PCDH15: variants seen among roughly 807,000 people sequenced by gnomAD.
PCDH15 encodes protocadherin related 15.
PCDH15 carries 129 observed loss-of-function variants against 178.5 expected under a neutral mutation model. The ratio of observed to expected loss-of-function variants is 0.72; its 90% confidence interval spans 0.63 to 0.84. The LOEUF is 0.84. PCDH15 is among the 40% of genes least tolerant of loss of function. The pLI, the probability that PCDH15 is intolerant of heterozygous loss-of-function variation, is 0.00. For missense variants in PCDH15, 2,230 were observed against 2,099.9 expected, an observed-to-expected ratio of 1.06 and a Z score of -1.21; for synonymous variants, 800 against 732.0, an observed-to-expected ratio of 1.09 and a Z score of -1.50.
At chr10:55,516,813 T>C (rs1841023845) in intron 2 of PCDH15, among the ~76,000 whole-genome samples, 2 of 152,126 alleles carry the variant, frequency 1.3e-5, no homozygotes, top group South Asian at 4.1e-4. Context: ...TCATTCAATT[T>C]AGGCAAAAAA....
rs34783984 is a variant in PCDH15 at position 54,364,209 on chromosome 10, GAAA to G, written c.474+4908_474+4910del. Among the ~76,000 whole-genome samples, 133 of 140,710 alleles carry G rather than the reference GAAA, an allele frequency of 9.5e-4. 1 individual carries two copies. The highest frequency in any genetic ancestry group is 7.6e-3 in the South Asian group (33 of 4,364). The allele number at this position is 140,710 out of a possible 152,430, so 92.3% of individuals were successfully genotyped here. ...CCTGGGCAAAAAAGAGCAAAACTCT[GAAA>G]AAAAAAAAAAAAATTGACCTTGTCT... is the stretch of plus-strand genomic sequence containing the variant. On this transcript the variant is annotated intron_variant, in intron 5 of 37. Transcript: ENST00000644397.
At chr10:54,100,984 T>C (rs2094801058) in intron 15 of PCDH15, among the ~76,000 whole-genome samples, 1 of 152,142 alleles carries the variant, frequency 6.6e-6, no homozygotes, top group Non-Finnish European at 1.5e-5. Flanking sequence ...GTGTCTAAGA[T>C]AGGTAGATAT....
At chr10:54,287,097 C>A (rs1337736959) in intron 8 of PCDH15, among the ~76,000 whole-genome samples, 1 of 152,092 alleles carries the variant, frequency 6.6e-6, no homozygotes, top group Non-Finnish European at 1.5e-5. Flanking sequence ...TGCTTAAGAC[C>A]TCTAGTATTT....
intron 2 of PCDH15, among the ~76,000 whole-genome samples, chr10:55,382,546 A>G (rs920748122): frequency 1.5e-4 from 23 of 152,214 alleles, no homozygotes; most frequent in Non-Finnish European, 3.4e-4. Flanking sequence ...GCTAGAGTAC[A>G]AAGGTACACG....
chr10:54,297,897 G>A (rs1278159629), intron 8 of PCDH15, among the ~76,000 whole-genome samples: 1 of 152,156 alleles, frequency 6.6e-6, no homozygotes, highest in Non-Finnish European at 1.5e-5. Context: ...GGCTTTAGCT[G>A]CAGCCTGAGA....
At chr10:53,977,687 C>T (rs907281074) in intron 21 of PCDH15, among the ~76,000 whole-genome samples, 3 of 152,130 alleles carry the variant, frequency 2.0e-5, no homozygotes, top group South Asian at 2.1e-4. Flanking sequence ...TTAATCCAAA[C>T]GTCCAAGTAC....
intron 3 of PCDH15, chr10:54,864,672 C>G (rs1426751854): frequency 6.6e-6 from 1 of 152,132 alleles, no homozygotes; most frequent in East Asian, 1.9e-4. Context: ...CATCTGAAGA[C>G]TTGACTGGTG....
chr10:54,423,293 G>A (rs927320833), intron 3 of PCDH15, among the ~76,000 whole-genome samples: 9 of 150,390 alleles, frequency 6.0e-5, no homozygotes, highest in African/African-American at 2.0e-4. Flanking sequence ...GGAGAGAGAA[G>A]GGCAAGATGG....
At chr10:54,621,857 G>A (rs572612455) in intron 2 of PCDH15, among the ~76,000 whole-genome samples, 2 of 152,168 alleles carry the variant, frequency 1.3e-5, no homozygotes, top group South Asian at 4.1e-4. Context: ...AACGGTATTT[G>A]TCAGCGATGT....
chr10:54,300,815 C>T lies in PCDH15; in HGVS notation c.876+16456G>A, dbSNP rs1456527447. Among the ~76,000 whole-genome samples the T allele has an allele frequency of 4.6e-5, 7 of 152,264 alleles. No individual in the cohort carries two copies. The South Asian group carries it at 6.2e-4, about 14-fold the overall frequency. The stretch of plus-strand genomic sequence containing the variant: ...AAAGGATTGTAAATGCACTAATCAG[C>T]GCTCTGTAAAATGGACCAATCAGCA... On this transcript the variant is annotated intron_variant, in intron 8 of 37. Transcript: ENST00000644397.
intron 3 of PCDH15, among the ~76,000 whole-genome samples, chr10:54,398,395 C>T (rs1236387288): frequency 6.6e-6 from 1 of 151,750 alleles, no homozygotes; most frequent in Non-Finnish European, 1.5e-5. Context: ...CAAAAATTAC[C>T]ACCAAAGGTG....
At chr10:54,288,402 A>G (rs772381507) in intron 8 of PCDH15, among the ~76,000 whole-genome samples, 1 of 152,180 alleles carries the variant, frequency 6.6e-6, no homozygotes, top group Non-Finnish European at 1.5e-5. Context: ...AGATTGTCCA[A>G]TGAAGATGGC....
intron 8 of PCDH15, among the ~76,000 whole-genome samples, chr10:54,252,619 C>T (rs775389228): frequency 7.2e-5 from 11 of 152,154 alleles, no homozygotes; most frequent in Admixed American, 2.0e-4. Flanking sequence ...CGACCAAGGT[C>T]TTCAAAACTC....
At chr10:54,025,984 T>G (rs1415457379) in intron 18 of PCDH15, among the ~76,000 whole-genome samples, 1 of 152,208 alleles carries the variant, frequency 6.6e-6, no homozygotes, top group Non-Finnish European at 1.5e-5. Flanking sequence ...CTCAGAATTT[T>G]TAACCTTGAT....
At chr10:55,577,874 G>C (rs889990580) in intron 2 of PCDH15, among the ~76,000 whole-genome samples, 1 of 152,066 alleles carries the variant, frequency 6.6e-6, no homozygotes, top group African/African-American at 2.4e-5. Flanking sequence ...TAAATGATTT[G>C]AATTTCTGAA....
At chr10:54,839,777 A>C (rs1487472034) in intron 3 of PCDH15, among the ~76,000 whole-genome samples, 1 of 152,108 alleles carries the variant, frequency 6.6e-6, no homozygotes, top group Non-Finnish European at 1.5e-5. Flanking sequence ...TAAGCAACTC[A>C]TCACATACAA....
chr10:55,530,551 T>A (rs1841427597), intron 2 of PCDH15, among the ~76,000 whole-genome samples: 1 of 152,022 alleles, frequency 6.6e-6, no homozygotes, highest in Non-Finnish European at 1.5e-5. Context: ...CATCTTTGGA[T>A]GAATATTCTT....
chr10:54,271,250 ACCTAGGCTGAAGTAC>A (rs1275744234), intron 8 of PCDH15, among the ~76,000 whole-genome samples: 1 of 152,098 alleles, frequency 6.6e-6, no homozygotes, highest in Non-Finnish European at 1.5e-5. Flanking sequence ...TCGCTCTGTC[ACCTAGGCTGAAGTAC>A]AATGGTGCGA....
At chr10:54,641,255 G>A (rs747649603) in intron 2 of PCDH15, among the ~76,000 whole-genome samples, 5 of 152,036 alleles carry the variant, frequency 3.3e-5, no homozygotes, top group Non-Finnish European at 5.9e-5. Flanking sequence ...TCCAAGAAAT[G>A]CACAAAATAA....
Sources: allele counts gnomAD v4.1 joint callset (sites outside exome capture counted in the v4.1 genomes callset), GRCh38; gene constraint gnomAD v4.1.1; transcripts MANE v1.5; gene names NCBI Gene and HGNC (gene_info 2026-07-23, HGNC 2026-07-21).